VSTM4: variants seen among roughly 807,000 people sequenced by gnomAD.
VSTM4 encodes V-set and transmembrane domain-containing protein 4.
A neutral mutation model predicts 36.4 loss-of-function variants in VSTM4; 20 were observed. The ratio of observed to expected loss-of-function variants is 0.55; its 90% CI spans 0.39 to 0.80. VSTM4 has a LOEUF of 0.80. Among genes scored for constraint, VSTM4 ranks in the 30% least tolerant of loss-of-function variants. The pLI, the probability that VSTM4 is intolerant of heterozygous loss-of-function variation, is 0.00. For synonymous variants in VSTM4, 182 were observed against 173.9 expected (o/e 1.05, Z -0.37); for missense variants, 392 against 404.5 (o/e 0.97, Z 0.26).
intron 5 of VSTM4, among the ~76,000 whole-genome samples, chr10:49,062,269 T>A (rs913211643): frequency 6.6e-6 from 1 of 152,188 alleles, no homozygotes; most frequent in Non-Finnish European, 1.5e-5. Context: ...TACTCCTATT[T>A]CTGCTCTTTC....
chr10:49,025,636 C>T (rs961938421), intron 7 of VSTM4, among the ~76,000 whole-genome samples: 9 of 152,230 alleles, frequency 5.9e-5, no homozygotes. Context: ...GACTGCCATG[C>T]TGACTGGTAT....
chr10:49,103,974 C>T lies in VSTM4; in HGVS notation c.457+3620G>A, dbSNP rs577036270. ...TGTTTGATATTCTAACCCAAAGGTA[C>T]GGACCACAGAACTTCTCATCCTTGT... On this transcript the variant is annotated intron_variant, in intron 2 of 7. Transcript: ENST00000332853. 4.6e-5 allele frequency: 38 copies of T among 828,122 alleles called. No individual in the cohort carries two copies. The East Asian group carries it at 4.6e-4, about 10-fold the overall frequency. 51.3% of individuals were successfully genotyped at this position (828,122 alleles called of 1,614,324 possible). A position where few individuals can be genotyped will look rare whatever the true frequency, so the allele number is the denominator to read the frequency against.
chr10:49,084,858 C>T (rs184610662), intron 3 of VSTM4, among the ~76,000 whole-genome samples: 1 of 152,364 alleles, frequency 6.6e-6, no homozygotes, highest in South Asian at 2.1e-4. Context: ...GGTTTTCCAA[C>T]CTCAGCACTC....
chr10:49,066,863 T>C (rs895795495), intron 4 of VSTM4, among the ~76,000 whole-genome samples: 1 of 152,152 alleles, frequency 6.6e-6, no homozygotes, highest in African/African-American at 2.4e-5. Context: ...TGTACACACA[T>C]ATTATCTTAC....
At chr10:49,044,639 C>G (rs1481951700) in intron 7 of VSTM4, among the ~76,000 whole-genome samples, 1 of 152,150 alleles carries the variant, frequency 6.6e-6, no homozygotes, top group Non-Finnish European at 1.5e-5. Flanking sequence ...GAGATATGTC[C>G]TGCCAGTCTG....
intron 7 of VSTM4, among the ~76,000 whole-genome samples, chr10:49,039,617 G>A (rs1843488570): frequency 6.6e-6 from 1 of 152,108 alleles, no homozygotes. Flanking sequence ...TCATTATGGA[G>A]AAGGAGGACT....
intron 5 of VSTM4, among the ~76,000 whole-genome samples, chr10:49,057,690 G>A (rs1307914883): frequency 6.6e-6 from 1 of 152,204 alleles, no homozygotes; most frequent in Admixed American, 6.5e-5. Context: ...TGACAAGGTA[G>A]TAATGACCGT....
rs977854341 is a variant in VSTM4 at position 49,083,091 on chromosome 10, C to T, written c.526+2864G>A. Among the ~76,000 whole-genome samples, 7 of 152,236 alleles carry T rather than the reference C, an allele frequency of 4.6e-5. No homozygotes were observed. The East Asian group carries it at 5.8e-4, about 13-fold the overall frequency. On this transcript the variant is annotated intron_variant, in intron 3 of 7. Transcript: ENST00000332853. ...GCCCCTCAGCAGAGTCCAGGAACCC[C>T]GCTCTCCCCTGCTTTCTGAATCAAG...
At chr10:49,049,202 T>C (rs560534057) in intron 5 of VSTM4, among the ~76,000 whole-genome samples, 50 of 152,204 alleles carry the variant, frequency 3.3e-4, no homozygotes, top group Admixed American at 2.4e-3. Context: ...GCGCTGGGAG[T>C]GTTTCCAACT....
In VSTM4 at chr10:49,051,481, C is replaced by T. The variant is rs186712668; in HGVS notation, c.669-2897G>A. 7.3e-5 allele frequency among the ~76,000 whole-genome samples: 11 copies of T among 151,702 alleles called. No homozygotes were observed. In the East Asian group the frequency reaches 1.2e-3, roughly 16 times the overall value. On this transcript the variant is annotated intron_variant, in intron 5 of 7. Transcript: ENST00000332853. ...CACGATGTCAGCTCACTGCAACCTCCGCCTCCCGGGTTCAAGCGATTCTCC... is the reference window on the plus strand; with the variant it reads ...CACGATGTCAGCTCACTGCAACCTCTGCCTCCCGGGTTCAAGCGATTCTCC...
chr10:49,114,052 G>A (rs1415188233), intron 1 of VSTM4, among the ~76,000 whole-genome samples: 2 of 152,218 alleles, frequency 1.3e-5, no homozygotes, highest in Non-Finnish European at 2.9e-5. Flanking sequence ...GAGCCTGGGA[G>A]AGGAAGGACC....
intron 2 of VSTM4, among the ~76,000 whole-genome samples, chr10:49,105,329 C>CAGAGG (rs60466424): frequency 3.3e-5 from 4 of 122,648 alleles, no homozygotes; most frequent in South Asian, 2.9e-4. Flanking sequence ...GAGAGAGAGA[C>CAGAGG]GGGGGGGGGA....
At chr10:49,042,298 G>A (rs1204083086) in intron 7 of VSTM4, among the ~76,000 whole-genome samples, 1 of 152,200 alleles carries the variant, frequency 6.6e-6, no homozygotes, top group African/African-American at 2.4e-5. Flanking sequence ...GAACCATATG[G>A]TATAGTCAAC....
At chr10:49,096,942 C>T (rs1177452520) in intron 2 of VSTM4, among the ~76,000 whole-genome samples, 1 of 152,018 alleles carries the variant, frequency 6.6e-6, no homozygotes, top group African/African-American at 2.4e-5. Context: ...CATGAGCCAC[C>T]GTGCCCAGAC....
intron 2 of VSTM4, chr10:49,103,488 T>C: frequency 9.0e-7 from 1 of 1,109,594 alleles, no homozygotes; most frequent in South Asian, 4.2e-5. Flanking sequence ...TTTCCATGTT[T>C]TCTATAATTG....
At chr10:49,109,814 G>A (rs1054939496) in intron 1 of VSTM4, among the ~76,000 whole-genome samples, 3 of 152,236 alleles carry the variant, frequency 2.0e-5, no homozygotes, top group African/African-American at 7.2e-5. Context: ...CAATCCCGCT[G>A]TCATCAGAAG....
chr10:49,030,443 A>G (rs1590070263), intron 7 of VSTM4, among the ~76,000 whole-genome samples: 2 of 152,248 alleles, frequency 1.3e-5, no homozygotes, highest in African/African-American at 4.8e-5. Flanking sequence ...GGTATAAATG[A>G]GCCTTGAGAT....
intron 2 of VSTM4, among the ~76,000 whole-genome samples, chr10:49,106,879 C>T (rs1467917779): frequency 3.3e-5 from 5 of 152,238 alleles, no homozygotes; most frequent in Non-Finnish European, 7.3e-5. Context: ...GGCCACATGC[C>T]TATGCCTACG....
chr10:49,057,928 G>A (rs886396335), intron 5 of VSTM4, among the ~76,000 whole-genome samples: 1 of 152,210 alleles, frequency 6.6e-6, no homozygotes, highest in Admixed American at 6.5e-5. Context: ...AGAATGACCT[G>A]ACTCTGACAT....
Sources: gnomAD v4.1 joint callset for allele counts (sites outside exome capture counted in the v4.1 genomes callset) on GRCh38, gnomAD v4.1.1 for gene constraint, MANE v1.5 for transcripts, NCBI Gene and HGNC (gene_info 2026-07-23, HGNC 2026-07-21) for gene names.